The following CACNA1D variants were observed in gnomAD, a reference collection of about 807,000 sequenced individuals.
CACNA1D encodes calcium voltage-gated channel subunit alpha1 D, also known as voltage-dependent L-type calcium channel subunit alpha-1D.
A neutral mutation model predicts 257.1 loss-of-function variants in CACNA1D; 55 were observed. The ratio of observed to expected loss-of-function variants is 0.21; its 90% CI spans 0.17 to 0.27. The LOEUF is 0.27. Among genes scored for constraint, CACNA1D ranks in the 10% least tolerant of loss-of-function variants. The pLI is 1.00. For synonymous variants in CACNA1D, 980 were observed against 1,014.9 expected, an observed-to-expected ratio of 0.97 and a Z score of 0.65; for missense variants, 1,876 against 2,784.0, an observed-to-expected ratio of 0.67 and a Z score of 7.34.
intron 3 of CACNA1D, among the ~76,000 whole-genome samples, chr3:53,587,550 G>A (rs2093239950): frequency 6.6e-6 from 1 of 152,170 alleles, no homozygotes; most frequent in Non-Finnish European, 1.5e-5. Context: ...GCAGGAATGG[G>A]GACAGGTGGT....
intron 3 of CACNA1D, among the ~76,000 whole-genome samples, chr3:53,638,136 A>G (rs754618222): frequency 1.4e-4 from 21 of 152,214 alleles, no homozygotes; most frequent in Non-Finnish European, 2.1e-4. Flanking sequence ...CCACTGACCC[A>G]CAGACATTCT....
At chr3:53,582,382 G>A (rs889802589) in intron 3 of CACNA1D, among the ~76,000 whole-genome samples, 13 of 152,162 alleles carry the variant, frequency 8.5e-5, no homozygotes, top group African/African-American at 3.1e-4. Flanking sequence ...TTATAAAGTG[G>A]CCAGTGACCC....
At chr3:53,625,130 A>G (rs191038582) in intron 3 of CACNA1D, among the ~76,000 whole-genome samples, 1 of 152,228 alleles carries the variant, frequency 6.6e-6, no homozygotes, top group Admixed American at 6.5e-5. Flanking sequence ...AGTAGGCTAT[A>G]TTGGGTATAG....
Position 53,673,095 on chromosome 3 carries a change from G to T in CACNA1D, c.1189G>T (p.Val397Leu). ...TCTCGTCATCTTTGGGTCATTTTTC[G>T]TACTAAATCTTGTACTTGGTGTATT... ...VSLVIFGSFF[V>L]LNLVLGVLSG... is the part of the protein sequence containing the mutation. Residue 397 changes from valine to leucine, a missense_variant, in exon 8 of 48, where the codon GTA (valine) becomes TTA (leucine). Around this residue, in one of 10 missense-constraint regions of CACNA1D, gnomAD observed 188 missense variants for 390.4 expected, o/e 0.48. Coordinates refer to ENST00000350061, the MANE Select transcript of CACNA1D (RefSeq NM_001128840.3). This position sits in a 1 kb window ranked among gnomAD's most constrained non-coding sequence, Gnocchi z 4.1. The T allele has an allele frequency of 2.6e-6, 4 of 1,551,790 alleles. No individual in the cohort carries two copies. The highest frequency in any genetic ancestry group is 3.5e-6 in the Non-Finnish European group (4 of 1,146,926).
Position 53,774,573 on chromosome 3 carries a change from A to C in CACNA1D, c.4111-14A>C. The C allele has an allele frequency of 6.7e-7, 1 of 1,494,748 alleles. No individual in the cohort carries two copies. 92.6% of individuals were successfully genotyped at this position (1,494,748 alleles called of 1,614,324 possible). A position where few individuals can be genotyped will look rare whatever the true frequency, so the allele number is the denominator to read the frequency against. On this transcript the variant is annotated splice_polypyrimidine_tract_variant and intron_variant, in intron 33 of 47. Coordinates refer to ENST00000350061, the MANE Select transcript of CACNA1D (RefSeq NM_001128840.3). This position sits in a 1 kb window ranked among gnomAD's most constrained non-coding sequence, Gnocchi z 4.3. The stretch of plus-strand genomic sequence containing the variant: ...GAAATCTATTCTCTTTTTCCTGACA[A>C]CTTCTCCACCTAGATGTTTGGGAAA...
In CACNA1D at chr3:53,774,727, G is replaced by C; in HGVS notation, c.4202+49G>C. 1 of 1,069,754 alleles carries C rather than the reference G, an allele frequency of 9.3e-7. No homozygotes were observed. The allele number at this position is 1,069,754 out of a possible 1,614,324, so 66.3% of individuals were successfully genotyped here. A position where few individuals can be genotyped will look rare whatever the true frequency, so the allele number is the denominator to read the frequency against. On this transcript the variant is annotated intron_variant, in intron 34 of 47. Transcript: ENST00000350061. This position sits in a 1 kb window ranked among gnomAD's most constrained non-coding sequence, Gnocchi z 4.3. The stretch of plus-strand genomic sequence containing the variant: ...TGCTCCTGGGCAGGGGGGTCCGCTA[G>C]GCGTGGGTCCAGAGGGACGGAGGAC...
At chr3:53,605,211 A>G (rs1307205716) in intron 3 of CACNA1D, among the ~76,000 whole-genome samples, 1 of 152,186 alleles carries the variant, frequency 6.6e-6, no homozygotes, top group East Asian at 1.9e-4. Context: ...GATCCTCCAG[A>G]CATCAGCAAT....
At chr3:53,697,327 G>C (rs1325912739) in intron 8 of CACNA1D, among the ~76,000 whole-genome samples, 3 of 152,138 alleles carry the variant, frequency 2.0e-5, no homozygotes, top group African/African-American at 4.8e-5. Context: ...TAGGAGTAGG[G>C]CTTGTTTTGT....
chr3:53,805,998 TCA>T (rs2095562986), intron 45 of CACNA1D, among the ~76,000 whole-genome samples: 1 of 82,116 alleles, frequency 1.2e-5, no homozygotes. Flanking sequence ...CGTTCCTCCC[TCA>T]TCTTCCCTCC....
At chr3:53,596,744 G>A (rs1434754746) in intron 3 of CACNA1D, among the ~76,000 whole-genome samples, 1 of 152,208 alleles carries the variant, frequency 6.6e-6, no homozygotes, top group Admixed American at 6.5e-5. Flanking sequence ...CAGTCCTGCT[G>A]ACATCCTAAT....
chr3:53,753,516 A>G (rs1487274621), intron 28 of CACNA1D, 56 bp from the exon 29 acceptor site: 2 of 1,162,868 alleles, frequency 1.7e-6, no homozygotes, highest in African/African-American at 3.0e-5. Context: ...TCCATGTGCA[A>G]GCATGTGAGA....
intron 28 of CACNA1D, among the ~76,000 whole-genome samples, chr3:53,752,778 C>T (rs1341561862): frequency 6.6e-6 from 1 of 152,210 alleles, no homozygotes; most frequent in Non-Finnish European, 1.5e-5. Context: ...CTCCTGTCCT[C>T]AGGTGGCTCT....
rs193070766 is a variant in CACNA1D at position 53,623,168 on chromosome 3, G to A, written c.484-27611G>A. Reference sequence around the variant, plus strand: ...CTTCCGAAGTGCTGGGATTACAGGCGTGAGCCACCGCGCCCGGCCGAAAGA... The same window carrying A: ...CTTCCGAAGTGCTGGGATTACAGGCATGAGCCACCGCGCCCGGCCGAAAGA... On this transcript the variant is annotated intron_variant, in intron 3 of 47. Transcript: ENST00000350061. Among the ~76,000 whole-genome samples the A allele has an allele frequency of 5.9e-5, 9 of 152,360 alleles. No individual in the cohort carries two copies. The East Asian group carries it at 1.5e-3, about 26-fold the overall frequency.
In CACNA1D at chr3:53,723,859, T is replaced by C. The variant is rs2094905950; in HGVS notation, c.1960T>C (p.Leu654=). The change falls in exon 14 of 48, where the codon TTG becomes CTG. Residue 654 remains leucine (L), a synonymous_variant. Transcript: ENST00000350061. This position sits in a 1 kb window ranked among gnomAD's most constrained non-coding sequence, Gnocchi z 5.6. ...LNSMKSIASL[L]LLLFLFIIIF... ...CTCCATGAAGTCCATCGCTTCGCTG[T>C]TGCTTCTGCTTTTTCTCTTCATTAT... 1.2e-6 allele frequency: 2 copies of C among 1,614,082 alleles called. No homozygotes were observed. The highest frequency in any genetic ancestry group is 4.5e-5 in the East Asian group (2 of 44,898).
rs759409255 is a variant in CACNA1D, at chr3:53,801,182, G to C, written c.5165G>C (p.Ser1722Thr). ...CAAAGGCCTTCAATTCCACCTGCAA[G>C]TGATACTGAGAAACCGCTGTTTCCT... ...HVQRPSIPPA[S>T]DTEKPLFPPA... is the part of the protein sequence containing the mutation. The change falls in exon 42 of 48, where the codon AGT becomes ACT. Residue 1722 changes from serine (S) to threonine (T), a missense_variant. This residue lies in a region of CACNA1D where 160 missense variants were observed against 236.6 expected (regional missense o/e 0.68). Transcript: ENST00000350061. 24 of 1,613,828 alleles carry C rather than the reference G, an allele frequency of 1.5e-5. No individual in the cohort carries two copies. The African/African-American group carries it at 2.5e-4, about 17-fold the overall frequency.
At chr3:53,731,271 T>C in intron 17 of CACNA1D, 125 bp downstream of exon 17, 1 of 741,630 alleles carries the variant, frequency 1.3e-6, no homozygotes, top group African/African-American at 1.7e-5. Context: ...GTGTGAAGAA[T>C]ATGGCACACC....
At chr3:53,791,271 C>G (rs41276543) in intron 40 of CACNA1D, 9 of 491,120 alleles carry the variant, frequency 1.8e-5, no homozygotes, top group Admixed American at 3.5e-5. Context: ...TGAAAGGGAA[C>G]GTACAAAGCT....
Position 53,800,147 on chromosome 3 carries a change from C to T in CACNA1D, c.4924-102C>T. On this transcript the variant is annotated intron_variant, in intron 40 of 47. Transcript: ENST00000350061. The surrounding 1 kb of genome is among the most constrained non-coding windows in gnomAD (Gnocchi z 4.3). ...GCCCTGGATTGGCTTTTGGGGAAGC[C>T]TTCCTCCCCACCGCTGAATCAGGAA... is the stretch of plus-strand genomic sequence containing the variant. 1.2e-6 allele frequency: 1 copy of T among 857,680 alleles called. No homozygotes were observed. The highest frequency in any genetic ancestry group is 2.0e-6 in the Non-Finnish European group (1 of 491,890). 53.1% of individuals were successfully genotyped at this position (857,680 alleles called of 1,614,324 possible). A position where few individuals can be genotyped will look rare whatever the true frequency, so the allele number is the denominator to read the frequency against.
At chr3:53,674,765 T>G (rs2094357705) in intron 8 of CACNA1D, among the ~76,000 whole-genome samples, 2 of 152,110 alleles carry the variant, frequency 1.3e-5, no homozygotes, top group African/African-American at 4.8e-5. Context: ...TGCCGGGTTG[T>G]GGGGGGCAGG....
Sources: gnomAD v4.1 joint callset for allele counts (sites outside exome capture counted in the v4.1 genomes callset) on GRCh38, gnomAD v4.1.1 for gene constraint, gnomAD v4.1.1 regional missense constraint, Gnocchi (gnomAD v3.1) non-coding constraint, MANE v1.5 for transcripts, NCBI Gene and HGNC (gene_info 2026-07-23, HGNC 2026-07-21) for gene names.